The following ITPR1 variants were observed in gnomAD, a reference collection of about 807,000 sequenced individuals.
ITPR1 encodes inositol 1,4,5-trisphosphate receptor type 1.
Under a neutral mutation model 318.4 loss-of-function variants are expected in ITPR1, and 96 were observed. That is an observed-to-expected ratio of 0.30 (90% CI 0.26 to 0.36). The LOEUF is 0.36. Among genes scored for constraint, ITPR1 ranks in the 10% least tolerant of loss-of-function variants. The pLI, the probability that ITPR1 is intolerant of heterozygous loss-of-function variation, is 1.00. For missense variants in ITPR1, 2,440 were observed against 3,460.2 expected (o/e 0.71, Z 7.40); for synonymous variants, 1,312 against 1,289.9 (o/e 1.02, Z -0.37).
intron 46 of ITPR1, among the ~76,000 whole-genome samples, chr3:4,770,397 ATTT>A: frequency 6.6e-6 from 1 of 152,300 alleles, no homozygotes; most frequent in African/African-American, 2.4e-5. Flanking sequence ...AGTTGTTTGA[ATTT>A]TCAATCAGAT....
rs145409787 is a variant in ITPR1, at chr3:4,755,746, C to T, written c.5545-10784C>T. 4.6e-3 allele frequency among the ~76,000 whole-genome samples: 696 copies of T among 152,338 alleles called. 3 individuals carry two copies. Among genetic ancestry groups the T allele is most frequent in the Middle Eastern group, 0.017 (5 of 294 alleles). On this transcript the variant is annotated intron_variant, in intron 44 of 61. Transcript: ENST00000649015. Reference sequence around the variant, plus strand: ...CTCAGGTGTCAGGCATAGCGAAGGGCGTCTGCCCCACCCTTGCCTGGCAGG... The same window carrying T: ...CTCAGGTGTCAGGCATAGCGAAGGGTGTCTGCCCCACCCTTGCCTGGCAGG...
chr3:4,803,282 G>C (rs957384526), intron 54 of ITPR1, among the ~76,000 whole-genome samples: 1 of 152,178 alleles, frequency 6.6e-6, no homozygotes, highest in Non-Finnish European at 1.5e-5. Context: ...CAGATTTGGG[G>C]GGGACACAGA....
intron 35 of ITPR1, among the ~76,000 whole-genome samples, chr3:4,702,550 A>G (rs1254006246): frequency 2.0e-5 from 3 of 152,226 alleles, no homozygotes; most frequent in Admixed American, 2.0e-4. Flanking sequence ...CTGTGGATCC[A>G]TTGCTCCTTC....
intron 4 of ITPR1, among the ~76,000 whole-genome samples, chr3:4,537,677 A>C (rs1288505970): frequency 6.6e-6 from 1 of 152,206 alleles, no homozygotes; most frequent in Non-Finnish European, 1.5e-5. Flanking sequence ...GGTTGGAGTG[A>C]TGTAGCCATG....
intron 61 of ITPR1, among the ~76,000 whole-genome samples, chr3:4,845,179 A>G (rs1185001600): frequency 6.6e-6 from 1 of 152,340 alleles, no homozygotes. Flanking sequence ...TTTTTACCCT[A>G]ATTCCTCTAC....
intron 44 of ITPR1, among the ~76,000 whole-genome samples, chr3:4,765,688 G>T (rs568094872): frequency 6.6e-6 from 1 of 151,956 alleles, no homozygotes; most frequent in Non-Finnish European, 1.5e-5. Context: ...GGAAATGACC[G>T]TATTGTATTT....
At chr3:4,607,751 C>A (rs1016647719) in intron 4 of ITPR1, among the ~76,000 whole-genome samples, 1 of 152,034 alleles carries the variant, frequency 6.6e-6, no homozygotes, top group Non-Finnish European at 1.5e-5. Context: ...GGTTGGGCCA[C>A]TCAGGAGCAG....
At chr3:4,760,321 G>A (rs905213362) in intron 44 of ITPR1, among the ~76,000 whole-genome samples, 2 of 152,382 alleles carry the variant, frequency 1.3e-5, no homozygotes, top group Non-Finnish European at 1.5e-5. Flanking sequence ...GGCGGGGGCA[G>A]ATGCCGTTCC....
At chr3:4,634,186 TA>T (rs1272149445) in intron 5 of ITPR1, among the ~76,000 whole-genome samples, 4 of 152,114 alleles carry the variant, frequency 2.6e-5, no homozygotes, top group Non-Finnish European at 5.9e-5. Flanking sequence ...GATTTTAAAG[TA>T]ATGAAAAGGT....
chr3:4,724,565 T>G (rs1310194246), intron 40 of ITPR1: 1 of 152,202 alleles, frequency 6.6e-6, no homozygotes, highest in Non-Finnish European at 1.5e-5. Context: ...AGACTACACC[T>G]CACACTAGTC....
rs1191806250 is a variant in ITPR1 at position 4,494,447 on chromosome 3, A to G, written c.-76A>G. On this transcript the variant is annotated 5_prime_UTR_variant, in exon 2 of 62. Coordinates refer to ENST00000649015, the MANE Select transcript of ITPR1 (RefSeq NM_001378452.1). ...AATATTTAGGAGCTGACTACAGAGG[A>G]GCAGGATTTGCACCCCTCGCTGGGC... 1 of 152,244 alleles carries G rather than the reference A, an allele frequency of 6.6e-6. No homozygotes were observed. Among genetic ancestry groups the G allele is most frequent in the African/African-American group, 2.4e-5 (1 of 41,452 alleles). 9.4% of individuals were successfully genotyped at this position (152,244 alleles called of 1,614,324 possible).
chr3:4,503,348 T>C (rs2081169158), intron 2 of ITPR1, among the ~76,000 whole-genome samples: 1 of 152,184 alleles, frequency 6.6e-6, no homozygotes, highest in African/African-American at 2.4e-5. Context: ...TGACTGCTTC[T>C]TGGGTAAGGG....
At chr3:4,718,240 G>A (rs181167428) in intron 40 of ITPR1, among the ~76,000 whole-genome samples, 1 of 152,268 alleles carries the variant, frequency 6.6e-6, no homozygotes, top group Non-Finnish European at 1.5e-5. Flanking sequence ...ATAATTGAGA[G>A]GGTTTCATTG....
chr3:4,734,991 C>T (rs2043172943), intron 43 of ITPR1, among the ~76,000 whole-genome samples, 173 bp from the exon 44 acceptor site: 2 of 152,210 alleles, frequency 1.3e-5, no homozygotes, highest in African/African-American at 2.4e-5. Flanking sequence ...TTAGGGAAAG[C>T]ACCTTCATCG....
intron 55 of ITPR1, among the ~76,000 whole-genome samples, chr3:4,810,799 C>A (rs1245166403): frequency 6.6e-6 from 1 of 152,224 alleles, no homozygotes; most frequent in African/African-American, 2.4e-5. Context: ...GAATTTACAT[C>A]TAAGTCCAGA....
At chr3:4,655,563 A>G (rs916931657) in intron 12 of ITPR1, among the ~76,000 whole-genome samples, 8 of 152,090 alleles carry the variant, frequency 5.3e-5, no homozygotes, top group Non-Finnish European at 8.8e-5. Context: ...TGCGTCCACC[A>G]GGTTGTCTGG....
chr3:4,562,309 T>A (rs1308870255), intron 4 of ITPR1, among the ~76,000 whole-genome samples: 1 of 152,194 alleles, frequency 6.6e-6, no homozygotes, highest in African/African-American at 2.4e-5. Flanking sequence ...TAGACAGTAA[T>A]GTTAAGTTGC....
intron 4 of ITPR1, among the ~76,000 whole-genome samples, chr3:4,607,771 C>T (rs959655430): frequency 6.6e-6 from 1 of 151,842 alleles, no homozygotes; most frequent in African/African-American, 2.4e-5. Flanking sequence ...GTTGGCAGGT[C>T]CAGGTGGAGG....
At chr3:4,517,207 T>G (rs1468190914) in intron 3 of ITPR1, among the ~76,000 whole-genome samples, 2 of 152,254 alleles carry the variant, frequency 1.3e-5, no homozygotes, top group Non-Finnish European at 2.9e-5. Flanking sequence ...CGTCTCCTCC[T>G]ACGCCTATTG....
Sources: allele counts gnomAD v4.1 joint callset (sites outside exome capture counted in the v4.1 genomes callset), GRCh38; gene constraint gnomAD v4.1.1; transcripts MANE v1.5; gene names NCBI Gene and HGNC (gene_info 2026-07-23, HGNC 2026-07-21).